The following NRXN3 variants were observed in gnomAD, a reference collection of about 807,000 sequenced individuals.
NRXN3 encodes the protein neurexin 3.
Under a neutral mutation model 137.6 loss-of-function variants are expected in NRXN3, and 32 were observed. That is an observed-to-expected ratio of 0.23 (90% CI 0.18 to 0.31). The LOEUF is 0.31. NRXN3 is among the 10% of genes least tolerant of loss of function. The probability of loss-of-function intolerance (pLI) is 1.00; values close to 1 mark genes in which losing one functional copy is unlikely to be tolerated. For missense variants in NRXN3, 1,574 were observed against 2,062.5 expected, an observed-to-expected ratio of 0.76 and a Z score of 4.59; for synonymous variants, 798 against 784.5, an observed-to-expected ratio of 1.02 and a Z score of -0.29.
At chr14:79,110,003 A>T (rs1485245840) in intron 15 of NRXN3, among the ~76,000 whole-genome samples, 1 of 152,194 alleles carries the variant, frequency 6.6e-6, no homozygotes, top group Admixed American at 6.5e-5. Flanking sequence ...CATGGCTAAT[A>T]AGATATGTAA....
At chr14:78,488,666 GGAAAA>G in intron 4 of NRXN3, among the ~76,000 whole-genome samples, 1 of 150,926 alleles carries the variant, frequency 6.6e-6, no homozygotes, top group African/African-American at 2.4e-5. Context: ...GTTTGTTGGA[GGAAAA>G]GAAAAGACAT....
At chr14:78,186,905 CT>C (rs1171561491) in intron 1 of NRXN3, among the ~76,000 whole-genome samples, 1 of 152,204 alleles carries the variant, frequency 6.6e-6, no homozygotes. Context: ...TGATTATCAG[CT>C]TTGTCATTCC....
intron 16 of NRXN3, among the ~76,000 whole-genome samples, chr14:79,532,713 A>G (rs2153722200): frequency 6.6e-6 from 1 of 152,148 alleles, no homozygotes; most frequent in African/African-American, 2.4e-5. Context: ...CTTTCCCCAT[A>G]CTCATTTCTC....
chr14:78,387,812 G>A (rs1405644234), intron 4 of NRXN3, among the ~76,000 whole-genome samples: 3 of 152,154 alleles, frequency 2.0e-5, no homozygotes. Context: ...TTATAATGTA[G>A]TCTTATGTTT....
chr14:79,076,769 T>C (rs2046047350), intron 15 of NRXN3, among the ~76,000 whole-genome samples: 1 of 152,162 alleles, frequency 6.6e-6, no homozygotes, highest in African/African-American at 2.4e-5. Context: ...ATAGACTGCC[T>C]TACACAGGTG....
At chr14:79,758,532 A>C (rs2099027797) in intron 19 of NRXN3, among the ~76,000 whole-genome samples, 3 of 152,166 alleles carry the variant, frequency 2.0e-5, no homozygotes, top group Non-Finnish European at 4.4e-5. Flanking sequence ...CCCCATGACC[A>C]AACACCTCCT....
chr14:79,739,781 A>G (rs964062540), intron 19 of NRXN3, among the ~76,000 whole-genome samples: 25 of 151,532 alleles, frequency 1.6e-4, no homozygotes, highest in African/African-American at 5.6e-4. Flanking sequence ...GGGCATTCTC[A>G]TAGGGGCAAG....
At chr14:78,839,382 T>C (rs1260667356) in intron 10 of NRXN3, among the ~76,000 whole-genome samples, 1 of 152,184 alleles carries the variant, frequency 6.6e-6, no homozygotes, top group African/African-American at 2.4e-5. Context: ...ACACAGTCAG[T>C]CGTGATAAGG....
intron 15 of NRXN3, among the ~76,000 whole-genome samples, chr14:79,213,323 C>T (rs1466086195): frequency 6.6e-6 from 1 of 152,056 alleles, no homozygotes; most frequent in Non-Finnish European, 1.5e-5. Flanking sequence ...TGAACATACC[C>T]CAGATTTCTC....
rs540817752 is a variant in NRXN3 at position 78,897,656 on chromosome 14, C to T, written c.2276-59586C>T. On this transcript the variant is annotated intron_variant, in intron 10 of 20. Coordinates refer to ENST00000335750, the MANE Select transcript of NRXN3 (RefSeq NM_001330195.2). ...TTTCTATTTTCACAGACTCCTCCACCTCCACTCTGTCCTGGCCAGCACCCA... is the reference window on the plus strand; with the variant it reads ...TTTCTATTTTCACAGACTCCTCCACTTCCACTCTGTCCTGGCCAGCACCCA... 9.2e-5 allele frequency among the ~76,000 whole-genome samples: 14 copies of T among 152,024 alleles called. No homozygotes were observed. In the South Asian group the frequency reaches 1.7e-3, roughly 18 times the overall value.
chr14:79,569,937 AAAG>A (rs1238317160), intron 16 of NRXN3, among the ~76,000 whole-genome samples: 2 of 152,122 alleles, frequency 1.3e-5, no homozygotes, highest in African/African-American at 2.4e-5. Flanking sequence ...GTCTGAAAAA[AAAG>A]AAGAATCTAC....
At chr14:78,515,102 A>G (rs1479946346) in intron 4 of NRXN3, among the ~76,000 whole-genome samples, 1 of 152,172 alleles carries the variant, frequency 6.6e-6, no homozygotes, top group African/African-American at 2.4e-5. Context: ...ACAGTTAGCC[A>G]AGGTTGAAAA....
At chr14:79,027,489 C>T (rs975191884) in intron 15 of NRXN3, among the ~76,000 whole-genome samples, 2 of 152,132 alleles carry the variant, frequency 1.3e-5, no homozygotes, top group African/African-American at 4.8e-5. Flanking sequence ...GAATCTGTTA[C>T]TTCGAGTTGC....
At chr14:78,324,692 T>G (rs2079830781) in intron 4 of NRXN3, among the ~76,000 whole-genome samples, 1 of 152,074 alleles carries the variant, frequency 6.6e-6, no homozygotes. Context: ...GTGAGAAGTA[T>G]GCAGTGGATG....
At chr14:79,754,529 T>C (rs1298373531) in intron 19 of NRXN3, among the ~76,000 whole-genome samples, 1 of 82,864 alleles carries the variant, frequency 1.2e-5, no homozygotes, top group Non-Finnish European at 2.1e-5. Flanking sequence ...TATATATATA[T>C]ATATATATAT....
intron 15 of NRXN3, among the ~76,000 whole-genome samples, chr14:79,419,025 T>C (rs1430281490): frequency 1.3e-5 from 2 of 152,152 alleles, no homozygotes; most frequent in Admixed American, 6.6e-5. Flanking sequence ...AATCGAACTC[T>C]ACTTTGTCTG....
intron 16 of NRXN3, among the ~76,000 whole-genome samples, chr14:79,617,672 CGA>C (rs2098172120): frequency 6.6e-6 from 1 of 151,798 alleles, no homozygotes; most frequent in Admixed American, 6.6e-5. Flanking sequence ...CTTTCCCTAA[CGA>C]GAATGTGACT....
At chr14:78,515,354 G>A (rs1039079767) in intron 4 of NRXN3, among the ~76,000 whole-genome samples, 3 of 152,162 alleles carry the variant, frequency 2.0e-5, no homozygotes, top group South Asian at 4.1e-4. Context: ...AATTTATTGT[G>A]CCAACTATGG....
chr14:78,409,779 C>G (rs1171655383), intron 4 of NRXN3, among the ~76,000 whole-genome samples: 3 of 152,158 alleles, frequency 2.0e-5, no homozygotes, highest in Non-Finnish European at 4.4e-5. Flanking sequence ...ATGACCCTGA[C>G]ACCTTTTTCA....
Sources: allele counts gnomAD v4.1 joint callset (sites outside exome capture counted in the v4.1 genomes callset), GRCh38; gene constraint gnomAD v4.1.1; transcripts MANE v1.5; gene names NCBI Gene and HGNC (gene_info 2026-07-23, HGNC 2026-07-21).